PPP3R1: variants seen among roughly 807,000 people sequenced by gnomAD.
The protein encoded by PPP3R1 is calcineurin subunit B type 1.
PPP3R1 carries 5 observed loss-of-function variants against 22.6 expected under a neutral mutation model. The ratio of observed to expected loss-of-function variants is 0.22; its 90% CI spans 0.12 to 0.46. The LOEUF (loss-of-function observed/expected upper bound fraction) is 0.46, where lower values mean the gene tolerates loss of function less well. Ranked by LOEUF, PPP3R1 falls within the 20% of genes least tolerant of loss-of-function variation. The pLI, the probability that PPP3R1 is intolerant of heterozygous loss-of-function variation, is 0.99. For missense variants in PPP3R1, 61 were observed against 203.2 expected (o/e 0.30, Z 4.25); for synonymous variants, 56 against 65.2 (o/e 0.86, Z 0.68).
At chr2:68,242,197 A>G (rs1466113654) in intron 1 of PPP3R1, among the ~76,000 whole-genome samples, 1 of 152,182 alleles carries the variant, frequency 6.6e-6, no homozygotes, top group Non-Finnish European at 1.5e-5. Flanking sequence ...GGGAGGCTGA[A>G]GCAAGCGGAT....
chr2:68,203,373 G>A (rs757994338), intron 2 of PPP3R1, among the ~76,000 whole-genome samples: 5 of 152,172 alleles, frequency 3.3e-5, no homozygotes, highest in African/African-American at 4.8e-5. Flanking sequence ...AGGCCAAGGC[G>A]GGTGGATCAC....
intron 2 of PPP3R1, among the ~76,000 whole-genome samples, chr2:68,210,035 A>C (rs1159584307): frequency 6.6e-6 from 1 of 152,162 alleles, no homozygotes; most frequent in Non-Finnish European, 1.5e-5. Context: ...TAACAATACA[A>C]AACAGAAGTG....
At chr2:68,185,719 A>G (rs1009032103) in intron 5 of PPP3R1, among the ~76,000 whole-genome samples, 1 of 152,082 alleles carries the variant, frequency 6.6e-6, no homozygotes, top group Non-Finnish European at 1.5e-5. Context: ...GGTAAAACGG[A>G]AGGGACAGAA....
chr2:68,250,084 A>G (rs1324903696), intron 1 of PPP3R1, among the ~76,000 whole-genome samples: 1 of 152,124 alleles, frequency 6.6e-6, no homozygotes, highest in Non-Finnish European at 1.5e-5. Context: ...GACCAAAATA[A>G]CCCTAAAGTT....
At chr2:68,217,207 AGTC>A in intron 1 of PPP3R1, 76 bp from the exon 2 acceptor site, 1 of 1,068,522 alleles carries the variant, frequency 9.4e-7, no homozygotes. Context: ...AAATATTTTA[AGTC>A]AAAAAACATA....
intron 2 of PPP3R1, among the ~76,000 whole-genome samples, chr2:68,199,530 C>A (rs540181509): frequency 6.6e-6 from 1 of 152,288 alleles, no homozygotes; most frequent in Non-Finnish European, 1.5e-5. Flanking sequence ...ATCTTGTTTT[C>A]TTCCCCAATC....
Position 68,252,520 on chromosome 2 carries a change from A to T in PPP3R1, c.-393T>A. 5 of 913,674 alleles carry T rather than the reference A, an allele frequency of 5.5e-6. No individual in the cohort carries two copies. Among genetic ancestry groups the T allele is most frequent in the Non-Finnish European group, 6.2e-6 (5 of 804,582 alleles). 56.6% of individuals were successfully genotyped at this position (913,674 alleles called of 1,614,324 possible). On this transcript the variant is annotated 5_prime_UTR_variant, in exon 1 of 6. Transcript: ENST00000234310. ...ACTGCAGCGGCTCGCGCTGACCCGC[A>T]ACCTCAAGGCACGAAAAAAGGGGAG...
Position 68,252,148 on chromosome 2 carries a change from C to T in PPP3R1, c.-21G>A. On this transcript the variant is annotated 5_prime_UTR_variant, in exon 1 of 6. Coordinates refer to ENST00000234310, the MANE Select transcript of PPP3R1 (RefSeq NM_000945.4). The stretch of plus-strand genomic sequence containing the variant: ...ACCATTTTGCTCGGCGGGTCGGCGG[C>T]TCGCTGGCTCGCTGGCTCGGAGAAG... 7.2e-7 allele frequency: 1 copy of T among 1,390,612 alleles called. No homozygotes were observed. Among genetic ancestry groups the T allele is most frequent in the South Asian group, 1.4e-5 (1 of 71,394 alleles). 86.1% of individuals were successfully genotyped at this position (1,390,612 alleles called of 1,614,324 possible).
At chr2:68,198,612 CGAG>C (rs1234697093) in intron 2 of PPP3R1, among the ~76,000 whole-genome samples, 2 of 151,820 alleles carry the variant, frequency 1.3e-5, no homozygotes, top group African/African-American at 4.8e-5. Flanking sequence ...ATCTTTAAAT[CGAG>C]GAGCTGTACT....
At chr2:68,181,472 T>C (rs1227839464) in intron 5 of PPP3R1, among the ~76,000 whole-genome samples, 2 of 152,016 alleles carry the variant, frequency 1.3e-5, no homozygotes, top group Non-Finnish European at 2.9e-5. Flanking sequence ...ACAACAAAAC[T>C]TGAGTGACCT....
chr2:68,252,214 C>T lies in PPP3R1; in HGVS notation c.-87G>A. The T allele has an allele frequency of 1.6e-6, 2 of 1,215,882 alleles. No homozygotes were observed. Among genetic ancestry groups the T allele is most frequent in the Admixed American group, 5.9e-5 (2 of 33,782 alleles). 75.3% of individuals were successfully genotyped at this position (1,215,882 alleles called of 1,614,324 possible). On this transcript the variant is annotated 5_prime_UTR_variant, in exon 1 of 6. Coordinates refer to ENST00000234310, the MANE Select transcript of PPP3R1 (RefSeq NM_000945.4). ...GGCTCGCAGGAAACGGCGGCGGCGG[C>T]CCAGCTGCGGCCCTCGGGTCGCCGG...
chr2:68,252,347 G>A lies in PPP3R1; in HGVS notation c.-220C>T, dbSNP rs79510908. On this transcript the variant is annotated 5_prime_UTR_variant, in exon 1 of 6. Transcript: ENST00000234310. The stretch of plus-strand genomic sequence containing the variant: ...GCAGGGTAGGGGGAAATAAATTAAG[G>A]TCGAGATTCAGAGCCGGAGAGCGCG... 4,898 of 1,011,336 alleles carry A rather than the reference G, an allele frequency of 4.8e-3. 204 individuals are homozygous for A. In the African/African-American group the frequency reaches 0.078, roughly 16 times the overall value. 62.6% of individuals were successfully genotyped at this position (1,011,336 alleles called of 1,614,324 possible). A position where few individuals can be genotyped will look rare whatever the true frequency, so the allele number is the denominator to read the frequency against.
At chr2:68,215,767 G>A (rs116750811) in intron 2 of PPP3R1, among the ~76,000 whole-genome samples, 2,425 of 152,210 alleles carry the variant, frequency 0.016, 69 homozygotes, top group African/African-American at 0.055. Flanking sequence ...AGGGAATGAA[G>A]TTGCTCAGAG....
intron 1 of PPP3R1, among the ~76,000 whole-genome samples, chr2:68,222,384 T>C (rs984076415): frequency 6.6e-6 from 1 of 152,238 alleles, no homozygotes; most frequent in Non-Finnish European, 1.5e-5. Flanking sequence ...GATGCTCAGA[T>C]ATCCAGCTAA....
intron 1 of PPP3R1, among the ~76,000 whole-genome samples, chr2:68,227,965 C>T (rs896446769): frequency 6.6e-6 from 1 of 152,060 alleles, no homozygotes; most frequent in Admixed American, 6.5e-5. Flanking sequence ...TATTCTTTTC[C>T]TGCATTACTG....
intron 2 of PPP3R1, among the ~76,000 whole-genome samples, chr2:68,200,742 C>G (rs1320827852): frequency 2.6e-5 from 4 of 152,180 alleles, no homozygotes; most frequent in African/African-American, 9.7e-5. Flanking sequence ...CATTTCTGGG[C>G]TAAATGTGGA....
chr2:68,206,586 A>G (rs1208005500), intron 2 of PPP3R1, among the ~76,000 whole-genome samples: 1 of 152,176 alleles, frequency 6.6e-6, no homozygotes, highest in African/African-American at 2.4e-5. Flanking sequence ...CAAAGAATTA[A>G]TCCACATTCT....
intron 1 of PPP3R1, among the ~76,000 whole-genome samples, chr2:68,246,067 C>CTTTT (rs746584723): frequency 0.014 from 1,061 of 73,798 alleles, 1 homozygote; most frequent in Non-Finnish European, 0.018. Context: ...TTCTTTCTTT[C>CTTTT]TTTTTTTTTT....
At chr2:68,210,670 A>G (rs75483778) in intron 2 of PPP3R1, among the ~76,000 whole-genome samples, 10,131 of 152,240 alleles carry the variant, frequency 0.067, 409 homozygotes, top group Middle Eastern at 0.21. Flanking sequence ...TTGTTTTTCA[A>G]TGTTAGAAAT....
Sources: gnomAD v4.1 joint callset for allele counts (sites outside exome capture counted in the v4.1 genomes callset) on GRCh38, gnomAD v4.1.1 for gene constraint, MANE v1.5 for transcripts, NCBI Gene and HGNC (gene_info 2026-07-23, HGNC 2026-07-21) for gene names.